NME9: variants seen among roughly 807,000 people sequenced by gnomAD.
NME9 encodes thioredoxin domain-containing protein 6.
In NME9, 48 loss-of-function variants were observed where a neutral mutation model predicts 44.4. The ratio of observed to expected loss-of-function variants is 1.08; its 90% confidence interval spans 0.86 to 1.37. The LOEUF (loss-of-function observed/expected upper bound fraction) is 1.37. NME9 is among the 40% of genes most tolerant of loss of function. The probability of loss-of-function intolerance (pLI) is 0.00; values close to 1 mark genes in which losing one functional copy is unlikely to be tolerated. For missense variants in NME9, 325 were observed against 405.2 expected (o/e 0.80, Z 1.70); for synonymous variants, 139 against 147.1 (o/e 0.94, Z 0.40).
intron 8 of NME9, among the ~76,000 whole-genome samples, chr3:138,279,346 A>G (rs1184525475): frequency 6.6e-6 from 1 of 152,084 alleles, no homozygotes; most frequent in Non-Finnish European, 1.5e-5. Context: ...TATATGGTGA[A>G]TTCATTTGAT....
chr3:138,264,894 AT>A (rs771921655), intron 8 of NME9, among the ~76,000 whole-genome samples: 5,907 of 139,806 alleles, frequency 0.042, 310 homozygotes, highest in African/African-American at 0.13. Flanking sequence ...CAATCCCTGG[AT>A]TTTTTTTTTT....
chr3:138,290,603 A>G, intron 8 of NME9: 4 of 1,607,278 alleles, frequency 2.5e-6, no homozygotes, highest in Non-Finnish European at 3.4e-6. Flanking sequence ...ATTCTACACA[A>G]ACTGAGTCAG....
At chr3:138,292,069 C>G (rs1438866419) in intron 8 of NME9, among the ~76,000 whole-genome samples, 1 of 151,862 alleles carries the variant, frequency 6.6e-6, no homozygotes, top group Non-Finnish European at 1.5e-5. Context: ...TGGAGTTTCA[C>G]TCTTGTTGCC....
At chr3:138,309,770 G>A (rs528409510) in intron 6 of NME9, among the ~76,000 whole-genome samples, 3 of 151,616 alleles carry the variant, frequency 2.0e-5, no homozygotes, top group African/African-American at 7.3e-5. Context: ...GCTCATGCCT[G>A]TAATCCCAAG....
chr3:138,326,868 G>A (rs1157189192), intron 1 of NME9, among the ~76,000 whole-genome samples: 2 of 150,774 alleles, frequency 1.3e-5, no homozygotes, highest in Admixed American at 6.6e-5. Context: ...TTGGCCGAAC[G>A]TGGTTGCTCA....
chr3:138,327,187 T>TAAGGAAGC (rs1292511822), intron 1 of NME9: 1 of 151,624 alleles, frequency 6.6e-6, no homozygotes, highest in East Asian at 1.9e-4. Context: ...GTCTCTCTTT[T>TAAGGAAGC]AAGGAAGCAT....
chr3:138,324,290 T>C (rs574290177), intron 2 of NME9: 1 of 352,660 alleles, frequency 2.8e-6, no homozygotes, highest in South Asian at 2.2e-5. Flanking sequence ...GTCTGATACC[T>C]TAACTACCGT....
Position 138,304,882 on chromosome 3 carries a change from T to G in NME9, c.782A>C (p.Gln261Pro). 1 of 1,613,926 alleles carries G rather than the reference T, an allele frequency of 6.2e-7. No individual in the cohort carries two copies. The highest frequency in any genetic ancestry group is 1.1e-5 in the South Asian group (1 of 91,052). Residue 261 changes from glutamine to proline, a missense_variant, in exon 9 of 11, where the codon CAG becomes CCG. Gln to Pro is a moderately conservative substitution (Grantham distance 76). Transcript: ENST00000333911. ...PRDPNVARRE[Q>P]PESLRAQYGT... The stretch of plus-strand genomic sequence containing the variant: ...CAGCTGGTGACATCACCTTTCTGGC[T>G]GCTCCCTCCTGGCCACATTGGGGTC...
At chr3:138,286,575 C>T (rs1046599911) in intron 8 of NME9, among the ~76,000 whole-genome samples, 1 of 152,172 alleles carries the variant, frequency 6.6e-6, no homozygotes, top group African/African-American at 2.4e-5. Context: ...CAGATCACAA[C>T]CTTCATTGTA....
Position 138,316,700 on chromosome 3 carries a change from C to T in NME9, c.268-1057G>A, listed in dbSNP as rs1164835632. Among the ~76,000 whole-genome samples the T allele has an allele frequency of 3.3e-5, 5 of 151,774 alleles. No homozygotes were observed. In the East Asian group the frequency reaches 5.8e-4, roughly 18 times the overall value. On this transcript the variant is annotated intron_variant, in intron 4 of 10. Coordinates refer to ENST00000333911, the MANE Select transcript of NME9 (RefSeq NM_001349018.2). Reference sequence around the variant, plus strand: ...TGTGGTCTCGGCTCACTGCAACCTCCGCCTCCTGGGTTCAAGTGATTCTCC... The same window carrying T: ...TGTGGTCTCGGCTCACTGCAACCTCTGCCTCCTGGGTTCAAGTGATTCTCC...
intron 8 of NME9, among the ~76,000 whole-genome samples, chr3:138,265,978 CAG>C (rs1194178866): frequency 6.6e-6 from 1 of 152,184 alleles, no homozygotes; most frequent in East Asian, 1.9e-4. Flanking sequence ...ATTCACTACT[CAG>C]GAGCTGTCAG....
chr3:138,319,737 G>A (rs1046257809), intron 2 of NME9, among the ~76,000 whole-genome samples, 156 bp from the exon 3 acceptor site: 1 of 152,190 alleles, frequency 6.6e-6, no homozygotes, highest in Non-Finnish European at 1.5e-5. Context: ...GAGATTATAA[G>A]CCAGGGTGGA....
chr3:138,272,935 C>A (rs969074553), intron 8 of NME9: 55 of 1,466,762 alleles, frequency 3.7e-5, no homozygotes, highest in Non-Finnish European at 4.4e-5. Context: ...TAAATGTAGA[C>A]ATGATTCTTG....
chr3:138,290,742 T>G, intron 8 of NME9: 1 of 730,244 alleles, frequency 1.4e-6, no homozygotes, highest in Non-Finnish European at 2.3e-6. Flanking sequence ...TTAAAATCTT[T>G]TAGATTCTTA....
chr3:138,275,384 C>T (rs1005487233), intron 8 of NME9, among the ~76,000 whole-genome samples: 1 of 152,042 alleles, frequency 6.6e-6, no homozygotes, highest in Non-Finnish European at 1.5e-5. Flanking sequence ...GGTGAAACCC[C>T]ATCTCTACTA....
chr3:138,320,337 G>A (rs2108458709), intron 2 of NME9, among the ~76,000 whole-genome samples: 1 of 152,300 alleles, frequency 6.6e-6, no homozygotes, highest in South Asian at 2.1e-4. Context: ...CATACCAGTG[G>A]CCATATTTTA....
chr3:138,263,780 C>T (rs528694547), intron 8 of NME9: 1 of 1,614,022 alleles, frequency 6.2e-7, no homozygotes, highest in East Asian at 2.2e-5. Context: ...TTGTGACTGG[C>T]TTGTCTGAGT....
intron 8 of NME9, chr3:138,264,262 T>C (rs775390094): frequency 2.7e-6 from 4 of 1,455,328 alleles, no homozygotes; most frequent in Non-Finnish European, 2.9e-6. Context: ...GACCCTAGAG[T>C]GAGCTGAGCT....
At chr3:138,320,644 G>A (rs1463685804) in intron 2 of NME9, among the ~76,000 whole-genome samples, 1 of 152,198 alleles carries the variant, frequency 6.6e-6, no homozygotes, top group African/African-American at 2.4e-5. Context: ...CTGTTCTATA[G>A]TAACCAGGGA....
Sources: allele counts gnomAD v4.1 joint callset (sites outside exome capture counted in the v4.1 genomes callset), GRCh38; gene constraint gnomAD v4.1.1; transcripts MANE v1.5; gene names NCBI Gene and HGNC (gene_info 2026-07-23, HGNC 2026-07-21).